The following TRAPPC3L variants were observed in gnomAD, a reference collection of about 807,000 sequenced individuals.
TRAPPC3L encodes trafficking protein particle complex subunit 3L.
Under a neutral mutation model 23.7 loss-of-function variants are expected in TRAPPC3L, and 23 were observed. The observed-to-expected ratio is 0.97, with a 90% confidence interval of 0.70 to 1.37. The LOEUF is 1.37. Ranked by LOEUF, TRAPPC3L falls within the 40% of genes most tolerant of loss-of-function variation. The probability of loss-of-function intolerance (pLI) is 0.00; values close to 1 mark genes in which losing one functional copy is unlikely to be tolerated. For missense variants in TRAPPC3L, 212 were observed against 216.8 expected (o/e 0.98, Z 0.14); for synonymous variants, 81 against 77.9 (o/e 1.04, Z -0.21).
rs1771817753 is a variant in TRAPPC3L at position 116,495,257 on chromosome 6, A to T, written c.*1697T>A. The T allele has an allele frequency of 6.6e-6, 1 of 151,990 alleles. No homozygotes were observed. The highest frequency in any genetic ancestry group is 6.6e-5 in the Admixed American group (1 of 15,230). 9.4% of individuals were successfully genotyped at this position (151,990 alleles called of 1,614,324 possible). A position where few individuals can be genotyped will look rare whatever the true frequency, so the allele number is the denominator to read the frequency against. Reference sequence around the variant, plus strand: ...TTTTTAGCTCCTACAAATAAATGAGAACATGCAAAGTCTGTCTTTCTGTCC... The same window carrying T: ...TTTTTAGCTCCTACAAATAAATGAGTACATGCAAAGTCTGTCTTTCTGTCC... On this transcript the variant is annotated 3_prime_UTR_variant, in exon 5 of 5. Transcript: ENST00000368602.
At chr6:116,513,735 A>G (rs1044882353) in intron 3 of TRAPPC3L, among the ~76,000 whole-genome samples, 7 of 152,210 alleles carry the variant, frequency 4.6e-5, no homozygotes, top group African/African-American at 1.4e-4. Flanking sequence ...ATAGGTGTAC[A>G]TGTGCCTGGA....
chr6:116,511,392 A>C (rs2115163764), intron 3 of TRAPPC3L, among the ~76,000 whole-genome samples: 1 of 152,094 alleles, frequency 6.6e-6, no homozygotes, highest in South Asian at 2.1e-4. Flanking sequence ...TATGAGTGAG[A>C]ATTTCTTTTC....
At chr6:116,543,152 T>A in intron 2 of TRAPPC3L, 151 bp downstream of exon 2, 1 of 533,042 alleles carries the variant, frequency 1.9e-6, no homozygotes. Context: ...AAATGGCACT[T>A]GTAAGAAATT....
At chr6:116,497,767 T>G (rs1049773168) in intron 4 of TRAPPC3L, among the ~76,000 whole-genome samples, 5 of 152,182 alleles carry the variant, frequency 3.3e-5, no homozygotes, top group Non-Finnish European at 7.3e-5. Flanking sequence ...AATAGTGTAT[T>G]TGTTCAGAGT....
In TRAPPC3L at chr6:116,507,191, A is replaced by G. The variant is rs539313005; in HGVS notation, c.241-6525T>C. 3.1e-4 allele frequency among the ~76,000 whole-genome samples: 47 copies of G among 152,014 alleles called. No individual in the cohort carries two copies. The South Asian group carries it at 3.8e-3, about 12-fold the overall frequency. On this transcript the variant is annotated intron_variant, in intron 3 of 4. Coordinates refer to ENST00000368602, the MANE Select transcript of TRAPPC3L (RefSeq NM_001139444.3). ...AATTAAAATATTATTAATCATCAAC[A>G]TATCAGCTGATATTTGTCACACTGA...
chr6:116,513,997 G>A (rs987140995), intron 3 of TRAPPC3L, among the ~76,000 whole-genome samples: 2 of 152,170 alleles, frequency 1.3e-5, no homozygotes, highest in African/African-American at 4.8e-5. Context: ...GGAAGATTTA[G>A]AGATGATAGA....
At chr6:116,498,729 G>A (rs942679462) in intron 4 of TRAPPC3L, among the ~76,000 whole-genome samples, 2 of 152,192 alleles carry the variant, frequency 1.3e-5, no homozygotes, top group Non-Finnish European at 2.9e-5. Context: ...GTTTAACTTA[G>A]ACTCTTTGCT....
chr6:116,497,174 T>C, intron 4 of TRAPPC3L, 101 bp from the exon 5 acceptor site: 4 of 1,422,810 alleles, frequency 2.8e-6, no homozygotes, highest in Non-Finnish European at 3.7e-6. Context: ...CCTTAAGAAA[T>C]GATTTTTAAA....
At chr6:116,521,190 A>G (rs1286611506) in intron 3 of TRAPPC3L, 1 of 152,108 alleles carries the variant, frequency 6.6e-6, no homozygotes, top group Non-Finnish European at 1.5e-5. Flanking sequence ...TGACAAATAT[A>G]TAACAAAATA....
chr6:116,541,558 T>C (rs1773462055), intron 2 of TRAPPC3L, among the ~76,000 whole-genome samples: 1 of 152,172 alleles, frequency 6.6e-6, no homozygotes, highest in South Asian at 2.1e-4. Flanking sequence ...ATTCAATGAA[T>C]CTTGTGAGAT....
intron 3 of TRAPPC3L, chr6:116,523,636 C>T (rs1772386806): frequency 6.6e-6 from 1 of 152,142 alleles, no homozygotes; most frequent in Non-Finnish European, 1.5e-5. Context: ...ATTAGCATCA[C>T]TAAAAATCAA....
At chr6:116,535,475 T>C (rs1000970044) in intron 3 of TRAPPC3L, among the ~76,000 whole-genome samples, 2 of 152,216 alleles carry the variant, frequency 1.3e-5, no homozygotes, top group Non-Finnish European at 2.9e-5. Flanking sequence ...ATTTAAATGA[T>C]CAAGTTTATC....
At chr6:116,499,332 A>G (rs1771878428) in intron 4 of TRAPPC3L, among the ~76,000 whole-genome samples, 1 of 152,194 alleles carries the variant, frequency 6.6e-6, no homozygotes, top group Admixed American at 6.5e-5. Flanking sequence ...GGTTACCATC[A>G]TAACTTCCAA....
intron 3 of TRAPPC3L, chr6:116,511,633 G>A: frequency 6.7e-7 from 1 of 1,492,524 alleles, no homozygotes; most frequent in East Asian, 2.3e-5. Flanking sequence ...TCCACCCTCG[G>A]CCACTGCCAC....
intron 3 of TRAPPC3L, among the ~76,000 whole-genome samples, chr6:116,513,492 T>C (rs1391294792): frequency 2.0e-5 from 3 of 152,166 alleles, no homozygotes; most frequent in Non-Finnish European, 4.4e-5. Flanking sequence ...CAAACACTTA[T>C]CATTGTGTGA....
chr6:116,533,799 A>T (rs996983725), intron 3 of TRAPPC3L, among the ~76,000 whole-genome samples: 7 of 152,194 alleles, frequency 4.6e-5, no homozygotes, highest in South Asian at 2.1e-4. Context: ...CCTGCTGTGA[A>T]TTGTGACTGG....
At chr6:116,545,385 A>C in intron 1 of TRAPPC3L, 88 bp downstream of exon 1, 1 of 1,166,946 alleles carries the variant, frequency 8.6e-7, no homozygotes, top group East Asian at 2.6e-5. Flanking sequence ...AAAAATTCTT[A>C]TAGCATCAGT....
rs114008157 is a variant in TRAPPC3L, at chr6:116,500,393, C to T, written c.426+88G>A. 1.2e-5 allele frequency: 15 copies of T among 1,227,466 alleles called. 1 individual carries two copies. Among genetic ancestry groups the T allele is most frequent in the Middle Eastern group, 2.2e-4 (1 of 4,552 alleles). 76.0% of individuals were successfully genotyped at this position (1,227,466 alleles called of 1,614,324 possible). A position where few individuals can be genotyped will look rare whatever the true frequency, so the allele number is the denominator to read the frequency against. ...ACCATTAGATAACCAATATACCCAG[C>T]AAAATGAATTATGTATATTGGTTAT... On this transcript the variant is annotated intron_variant, in intron 4 of 4. Transcript: ENST00000368602.
At chr6:116,505,730 C>T (rs1324616562) in intron 3 of TRAPPC3L, among the ~76,000 whole-genome samples, 1 of 152,200 alleles carries the variant, frequency 6.6e-6, no homozygotes, top group East Asian at 1.9e-4. Flanking sequence ...CTACAACCAT[C>T]TGATCTTTGA....
Sources: gnomAD v4.1 joint callset for allele counts (sites outside exome capture counted in the v4.1 genomes callset) on GRCh38, gnomAD v4.1.1 for gene constraint, MANE v1.5 for transcripts, NCBI Gene and HGNC (gene_info 2026-07-23, HGNC 2026-07-21) for gene names.